TTLL3: variants seen among roughly 807,000 people sequenced by gnomAD.
The protein encoded by TTLL3 is tubulin monoglycylase TTLL3.
In TTLL3, 63 loss-of-function variants were observed where a neutral mutation model predicts 75.2. That is an observed-to-expected ratio of 0.84 (90% CI 0.68 to 1.03). The LOEUF is 1.03. TTLL3 is among the 50% of genes least tolerant of loss of function. The pLI, the probability that TTLL3 is intolerant of heterozygous loss-of-function variation, is 0.00. For missense variants in TTLL3, 997 were observed against 1,069.9 expected (o/e 0.93, Z 0.95); for synonymous variants, 393 against 418.5 (o/e 0.94, Z 0.74).
intron 7 of TTLL3, 154 bp downstream of exon 7, chr3:9,819,074 A>G: frequency 1.0e-6 from 1 of 982,572 alleles, no homozygotes; most frequent in Non-Finnish European, 1.5e-6. Flanking sequence ...CTATCCATCC[A>G]TCCACCAGCC....
chr3:9,832,424 T>C (rs775847457), intron 11 of TTLL3, among the ~76,000 whole-genome samples: 35 of 152,054 alleles, frequency 2.3e-4, no homozygotes, highest in Non-Finnish European at 3.4e-4. Context: ...GTAATTCTGA[T>C]GTTTAGATAG....
intron 11 of TTLL3, among the ~76,000 whole-genome samples, chr3:9,831,484 C>T (rs2081526266): frequency 6.6e-6 from 1 of 152,160 alleles, no homozygotes; most frequent in South Asian, 2.1e-4. Context: ...GTTAGTGCTG[C>T]TGAGTTTGAC....
At chr3:9,834,428 C>G (rs750067776) in intron 12 of TTLL3, 2 of 683,976 alleles carry the variant, frequency 2.9e-6, no homozygotes, top group Non-Finnish European at 5.3e-6. Flanking sequence ...ATTTTCCAGC[C>G]GAGGTATCAG....
chr3:9,810,387 G>A lies in TTLL3; in HGVS notation c.-49G>A. 16 of 1,413,052 alleles carry A rather than the reference G, an allele frequency of 1.1e-5. No individual in the cohort carries two copies. The highest frequency in any genetic ancestry group is 1.5e-5 in the Non-Finnish European group (16 of 1,093,008). 87.5% of individuals were successfully genotyped at this position (1,413,052 alleles called of 1,614,324 possible). ...ACACCCCGGTCCTCGACCCCTCTCC[G>A]CAGGATGGTGAGGCCCGTGCGGCCC... On this transcript the variant is annotated 5_prime_UTR_variant, in exon 1 of 14. Transcript: ENST00000685419. This position sits in a 1 kb window ranked among gnomAD's most constrained non-coding sequence, Gnocchi z 4.4.
At chr3:9,820,398 A>C in intron 7 of TTLL3, 148 bp from the exon 8 acceptor site, 1 of 1,511,910 alleles carries the variant, frequency 6.6e-7, no homozygotes. Context: ...AGCCTCAGCT[A>C]AGTGACACAT....
In TTLL3 at chr3:9,810,811, A is replaced by G. The variant is rs1043066033; in HGVS notation, c.48+102A>G. 3 of 1,137,288 alleles carry G rather than the reference A, an allele frequency of 2.6e-6. No homozygotes were observed. Among genetic ancestry groups the G allele is most frequent in the Non-Finnish European group, 3.7e-6 (3 of 815,236 alleles). The allele number at this position is 1,137,288 out of a possible 1,614,324, so 70.4% of individuals were successfully genotyped here. A position where few individuals can be genotyped will look rare whatever the true frequency, so the allele number is the denominator to read the frequency against. On this transcript the variant is annotated intron_variant, in intron 2 of 13. Transcript: ENST00000685419. The surrounding 1 kb of genome is among the most constrained non-coding windows in gnomAD (Gnocchi z 4.4). ...TCCTTAAAAAACAAAAGCAAAAGAA[A>G]AAACAATAGCAAAAATCCTCAACCA...
At chr3:9,810,171 C>A, upstream of TTLL3, 1 of 1,470,904 alleles carries the variant, frequency 6.8e-7, no homozygotes, top group Non-Finnish European at 8.9e-7. This position sits in a 1 kb window ranked among gnomAD's most constrained non-coding sequence, Gnocchi z 4.4. Flanking sequence ...CGCGCCGCTC[C>A]GAGTTCCGTC....
rs1259743927 is a variant in TTLL3 at position 9,836,358 on chromosome 3, A to G, written c.*869A>G. On this transcript the variant is annotated 3_prime_UTR_variant, in exon 14 of 14. Transcript: ENST00000685419. Reference sequence around the variant, plus strand: ...ATAAATTTAAGATCTTAAATGAGATAATCCCAATGACCAGTGTGGTGCTTA... The same window carrying G: ...ATAAATTTAAGATCTTAAATGAGATGATCCCAATGACCAGTGTGGTGCTTA... 6.6e-6 allele frequency: 1 copy of G among 152,146 alleles called. No homozygotes were observed. The highest frequency in any genetic ancestry group is 6.6e-5 in the Admixed American group (1 of 15,258). The allele number at this position is 152,146 out of a possible 1,614,324, so 9.4% of individuals were successfully genotyped here.
At chr3:9,809,838 G>A (rs1362786668), upstream of TTLL3, 3 of 467,546 alleles carry the variant, frequency 6.4e-6, no homozygotes, top group African/African-American at 2.0e-5. Context: ...CCAGCCCCGA[G>A]CGGTCTGATG....
At chr3:9,831,181 T>A (rs553097197) in intron 11 of TTLL3, among the ~76,000 whole-genome samples, 115 of 22,512 alleles carry the variant, frequency 5.1e-3, no homozygotes, top group African/African-American at 0.016. Context: ...CCTTGCACTG[T>A]TTTTTTTTGT....
At chr3:9,816,226 A>G in intron 5 of TTLL3, 24 bp downstream of exon 5, 1 of 1,338,782 alleles carries the variant, frequency 7.5e-7, no homozygotes, top group Non-Finnish European at 9.9e-7. Flanking sequence ...AGGAGCAGGC[A>G]GGGCAGCTTC....
Position 9,833,191 on chromosome 3 carries a change from C to T in TTLL3, c.1771C>T (p.Arg591Trp), listed in dbSNP as rs368233188. 2.0e-5 allele frequency: 33 copies of T among 1,613,976 alleles called. No homozygotes were observed. Among genetic ancestry groups the T allele is most frequent in the South Asian group, 5.5e-5 (5 of 91,074 alleles). ...GAAGCCCATGGCGATGTGTCATCGGCGGATGGGGGTCCGCCCAGCAGTCCC... is the reference window on the plus strand; with the variant it reads ...GAAGCCCATGGCGATGTGTCATCGGTGGATGGGGGTCCGCCCAGCAGTCCC... ...IKKPMAMCHR[R>W]MGVRPAVPLL... is the part of the protein sequence containing the mutation. The change falls in exon 12 of 14, where the codon CGG (arginine) becomes TGG (tryptophan). Residue 591 changes from arginine (R) to tryptophan (W), a missense_variant. Physicochemically the swap from Arg to Trp is moderately radical, Grantham distance 101 (BLOSUM62 -3). Coordinates refer to ENST00000685419, the MANE Select transcript of TTLL3 (RefSeq NM_001387446.1).
At position 9,811,066 on chromosome 3, in the gene TTLL3, T is replaced by A. The variant is rs145796724; in HGVS notation, c.48+357T>A. 6.0e-3 allele frequency among the ~76,000 whole-genome samples: 912 copies of A among 152,178 alleles called. 7 individuals carry two copies. The highest frequency in any genetic ancestry group is 0.014 in the Middle Eastern group (4 of 292). Reference sequence around the variant, plus strand: ...TGGCTGTCTGACTGCACGCTCCTAGTTTTCCTTTCTCCCTCTTTGGCTGCT... The same window carrying A: ...TGGCTGTCTGACTGCACGCTCCTAGATTTCCTTTCTCCCTCTTTGGCTGCT... On this transcript the variant is annotated intron_variant, in intron 2 of 13. Transcript: ENST00000685419.
In TTLL3 at chr3:9,814,169, TAAC is replaced by T. The variant is rs1354720736; in HGVS notation, c.315+836_315+838del. 1.1e-4 allele frequency among the ~76,000 whole-genome samples: 16 copies of T among 150,194 alleles called. 1 individual carries two copies. Among genetic ancestry groups the T allele is most frequent in the East Asian group, 4.0e-4 (2 of 5,034 alleles). ...ACAAACAAATAAAAAAACAAACAAA[TAAC>T]AACAACAACAAAAAGTAGCTGACTG... On this transcript the variant is annotated intron_variant, in intron 4 of 13. Transcript: ENST00000685419.
In TTLL3 at chr3:9,835,264, C is replaced by G. The variant is rs758970146; in HGVS notation, c.2223C>G (p.Ser741Arg). 5.1e-5 allele frequency: 83 copies of G among 1,613,988 alleles called. No individual in the cohort carries two copies. The highest frequency in any genetic ancestry group is 6.8e-5 in the Non-Finnish European group (80 of 1,179,958). ...RAEACPMKRL[S>R]PLKPLPLVGT... is the part of the protein sequence containing the mutation. ...AGGCCTGCCCCATGAAGAGGCTGAGCCCCCTGAAACCCCTGCCCCTTGTTG... is the reference window on the plus strand; with the variant it reads ...AGGCCTGCCCCATGAAGAGGCTGAGGCCCCTGAAACCCCTGCCCCTTGTTG... The change falls in exon 14 of 14, where the codon AGC (serine) becomes AGG (arginine). Residue 741 changes from serine to arginine, a missense_variant. Transcript: ENST00000685419.
Position 9,835,190 on chromosome 3 carries a change from TC to T in TTLL3, c.2150del (p.Ser717Ter), listed in dbSNP as rs749594783. ...ACAATTCCTAGCACCTGTCGGAAGG[TC>T]AAGGCCAAAGGCAAATTCAAGGCCA... ...SEQFLAPVGR[S>X]RPKANSRPDC... On this transcript the variant is annotated frameshift_variant, in exon 14 of 14. Transcript: ENST00000685419. LOFTEE classifies it low-confidence loss of function (END_TRUNC). The T allele has an allele frequency of 1.6e-3, 2,617 of 1,614,126 alleles. 24 individuals are homozygous for T. In the East Asian group the frequency reaches 0.022, roughly 14 times the overall value.
chr3:9,810,143 G>T, upstream of TTLL3: 14 of 1,474,606 alleles, frequency 9.5e-6, no homozygotes, highest in Non-Finnish European at 1.2e-5. The surrounding 1 kb of genome is among the most constrained non-coding windows in gnomAD (Gnocchi z 4.4). Context: ...CTCGAGCCAC[G>T]CACCAGTTTC....
At chr3:9,814,292 C>T (rs571813477) in intron 4 of TTLL3, among the ~76,000 whole-genome samples, 10 of 152,010 alleles carry the variant, frequency 6.6e-5, no homozygotes, top group East Asian at 1.9e-4. Context: ...ACTGAGATCA[C>T]GCCACTGCAC....
At position 9,834,698 on chromosome 3, in the gene TTLL3, A is replaced by G; in HGVS notation, c.1843A>G (p.Ser615Gly). 6.2e-7 allele frequency: 1 copy of G among 1,613,966 alleles called. No homozygotes were observed. The highest frequency in any genetic ancestry group is 1.7e-5 in the Admixed American group (1 of 60,006). Residue 615 changes from serine (S) to glycine (G), a missense_variant, in exon 13 of 14, where the codon AGC (serine) becomes GGC (glycine). By Grantham distance (56) the Ser-to-Gly change is moderately conservative (BLOSUM62 0). Coordinates refer to ENST00000685419, the MANE Select transcript of TTLL3 (RefSeq NM_001387446.1). ...GSGEARHHFP[S>G]LHTKAQLPSP... The stretch of plus-strand genomic sequence containing the variant: ...TCCCACAGCCCGTCACCACTTCCCC[A>G]GCCTCCACACCAAGGCCCAGCTGCC...
Sources: gnomAD v4.1 joint callset for allele counts (sites outside exome capture counted in the v4.1 genomes callset) on GRCh38, gnomAD v4.1.1 for gene constraint, Gnocchi (gnomAD v3.1) non-coding constraint, MANE v1.5 for transcripts, NCBI Gene and HGNC (gene_info 2026-07-23, HGNC 2026-07-21) for gene names.